LIPK: variants seen among roughly 807,000 people sequenced by gnomAD.
LIPK encodes lipase member K.
A neutral mutation model predicts 48.6 loss-of-function variants in LIPK; 32 were observed. That is an observed-to-expected ratio of 0.66 (90% CI 0.50 to 0.88). LIPK has a LOEUF of 0.88. Among genes scored for constraint, LIPK ranks in the 40% least tolerant of loss-of-function variants. LIPK has a pLI of 0.00. For synonymous variants in LIPK, 164 were observed against 157.4 expected (o/e 1.04, Z -0.32); for missense variants, 507 against 478.5 (o/e 1.06, Z -0.56).
At chr10:88,723,470 T>G (rs1842273068) in intron 1 of LIPK, among the ~76,000 whole-genome samples, 2 of 152,178 alleles carry the variant, frequency 1.3e-5, no homozygotes, top group Non-Finnish European at 2.9e-5. Flanking sequence ...TTTGAAGATC[T>G]GTATTTTATA....
At position 88,740,008 on chromosome 10, in the gene LIPK, G is replaced by A. The variant is rs1312929435; in HGVS notation, c.829G>A (p.Val277Ile). The A allele has an allele frequency of 1.3e-6, 2 of 1,595,228 alleles. No homozygotes were observed. The highest frequency in any genetic ancestry group is 1.7e-6 in the Non-Finnish European group (2 of 1,165,582). The part of the protein sequence containing the change: ...PQNLNMSRLD[V>I]YLSHNPAGTS... The stretch of plus-strand genomic sequence containing the variant: ...AATCTCTTTGCAGAGTCGCTTGGAT[G>A]TTTATTTGTCACACAATCCTGCGGG... Residue 277 changes from valine (V) to isoleucine (I), a missense_variant, in exon 8 of 10, where the codon GTT becomes ATT. Val to Ile is a conservative substitution (Grantham distance 29). Coordinates refer to ENST00000404190, the MANE Select transcript of LIPK (RefSeq NM_001080518.2).
chr10:88,750,257 G>T (rs1842842262), intron 9 of LIPK, among the ~76,000 whole-genome samples: 1 of 152,088 alleles, frequency 6.6e-6, no homozygotes, highest in Non-Finnish European at 1.5e-5. Context: ...ATTTCTCAAA[G>T]AACTTAAAAC....
intron 1 of LIPK, among the ~76,000 whole-genome samples, chr10:88,718,057 C>T (rs971388521): frequency 1.3e-5 from 2 of 151,622 alleles, no homozygotes; most frequent in African/African-American, 4.8e-5. Context: ...TAAATATGGA[C>T]CTTTTATCCT....
At chr10:88,717,740 A>T (rs17432442) in intron 1 of LIPK, among the ~76,000 whole-genome samples, 2,998 of 152,298 alleles carry the variant, frequency 0.02, 46 homozygotes, top group Non-Finnish European at 0.032. Flanking sequence ...CTCATCTGGA[A>T]ATATATAGAA....
intron 6 of LIPK, among the ~76,000 whole-genome samples, chr10:88,736,108 G>A (rs200175777): frequency 6.6e-6 from 1 of 151,796 alleles, no homozygotes; most frequent in East Asian, 1.9e-4. Flanking sequence ...TCCTCTTCCT[G>A]TCCAAGAGAG....
intron 2 of LIPK, among the ~76,000 whole-genome samples, chr10:88,725,781 T>G (rs1357851337): frequency 1.4e-4 from 22 of 152,162 alleles, no homozygotes; most frequent in Non-Finnish European, 4.4e-5. Context: ...CTCTTCTTTG[T>G]ATATCTGCAG....
At chr10:88,720,429 G>GT (rs1456070955) in intron 1 of LIPK, among the ~76,000 whole-genome samples, 2 of 152,040 alleles carry the variant, frequency 1.3e-5, no homozygotes, top group African/African-American at 4.8e-5. Context: ...ACTAGGTTTA[G>GT]TACCTGGGCA....
intron 8 of LIPK, among the ~76,000 whole-genome samples, chr10:88,740,811 C>G (rs895828492): frequency 2.0e-5 from 3 of 151,892 alleles, no homozygotes; most frequent in African/African-American, 7.3e-5. Context: ...ATCTGAGACC[C>G]CCCCCCAACC....
At chr10:88,749,978 C>A (rs1398927935) in intron 9 of LIPK, among the ~76,000 whole-genome samples, 1 of 152,048 alleles carries the variant, frequency 6.6e-6, no homozygotes, top group Non-Finnish European at 1.5e-5. Flanking sequence ...CAAACACCCC[C>A]ATTAAAAAGT....
intron 2 of LIPK, among the ~76,000 whole-genome samples, chr10:88,726,572 T>C (rs1174873016): frequency 6.6e-6 from 1 of 152,122 alleles, no homozygotes; most frequent in Non-Finnish European, 1.5e-5. Flanking sequence ...CAGGTGCCTT[T>C]AGTTCCAGCT....
intron 3 of LIPK, chr10:88,727,433 T>G (rs1443148937): frequency 6.2e-6 from 1 of 162,002 alleles, no homozygotes; most frequent in Non-Finnish European, 1.3e-5. Flanking sequence ...GTCTGTGTGA[T>G]TTCATGGTTT....
At chr10:88,745,622 T>C (rs1842753683) in intron 9 of LIPK, among the ~76,000 whole-genome samples, 1 of 152,194 alleles carries the variant, frequency 6.6e-6, no homozygotes, top group Admixed American at 6.5e-5. Context: ...CAAGAGGTCC[T>C]TAATGGAATG....
chr10:88,708,505 A>G (rs1028302814), intron 1 of LIPK, among the ~76,000 whole-genome samples: 11 of 152,054 alleles, frequency 7.2e-5, no homozygotes, highest in Non-Finnish European at 1.5e-4. Context: ...TTTTGCTTCT[A>G]TAGTCCCAAA....
At chr10:88,712,257 A>C (rs929030545) in intron 1 of LIPK, among the ~76,000 whole-genome samples, 2 of 152,166 alleles carry the variant, frequency 1.3e-5, no homozygotes, top group Non-Finnish European at 2.9e-5. Flanking sequence ...GATGACTCTG[A>C]ACTCTCTCAG....
chr10:88,726,327 T>C (rs1842337094), intron 2 of LIPK, among the ~76,000 whole-genome samples: 1 of 152,200 alleles, frequency 6.6e-6, no homozygotes, highest in Admixed American at 6.5e-5. Flanking sequence ...CCTCTTAAAT[T>C]ATCCTCATAG....
chr10:88,734,544 G>C (rs409079), intron 6 of LIPK, among the ~76,000 whole-genome samples: 2 of 152,008 alleles, frequency 1.3e-5, no homozygotes, highest in Non-Finnish European at 2.9e-5. Flanking sequence ...ATTTGCACAG[G>C]GGAATGACAC....
At chr10:88,730,635 A>C (rs542010093) in intron 3 of LIPK, among the ~76,000 whole-genome samples, 1 of 152,312 alleles carries the variant, frequency 6.6e-6, no homozygotes, top group African/African-American at 2.4e-5. Flanking sequence ...ATTCTTATAA[A>C]TACCCTAGGA....
At chr10:88,737,262 T>G (rs990764685) in intron 6 of LIPK, among the ~76,000 whole-genome samples, 15 of 152,324 alleles carry the variant, frequency 9.8e-5, no homozygotes, top group African/African-American at 3.4e-4. Flanking sequence ...CCCTACCCAG[T>G]AGAAAATTTT....
chr10:88,707,364 G>GA, intron 1 of LIPK, among the ~76,000 whole-genome samples: 1 of 152,126 alleles, frequency 6.6e-6, no homozygotes, highest in South Asian at 2.1e-4. Context: ...TACTTTGTAA[G>GA]GACATTGAGG....
Sources: allele counts gnomAD v4.1 joint callset (sites outside exome capture counted in the v4.1 genomes callset), GRCh38; gene constraint gnomAD v4.1.1; transcripts MANE v1.5; gene names NCBI Gene and HGNC (gene_info 2026-07-23, HGNC 2026-07-21).